Variants in TRPM5 observed in about 807,000 individuals in gnomAD.
TRPM5 encodes the protein transient receptor potential cation channel subfamily M member 5.
A neutral mutation model predicts 124.9 loss-of-function variants in TRPM5; 121 were observed. The observed-to-expected ratio is 0.97, with a 90% confidence interval of 0.84 to 1.13. The LOEUF (loss-of-function observed/expected upper bound fraction) is 1.13. Ranked by LOEUF, TRPM5 falls within the 50% of genes most tolerant of loss-of-function variation. The pLI is 0.00. For synonymous variants in TRPM5, 781 were observed against 700.5 expected (o/e 1.11, Z -1.81); for missense variants, 1,643 against 1,589.1 (o/e 1.03, Z -0.58).
intron 12 of TRPM5, among the ~76,000 whole-genome samples, 200 bp from the exon 18 acceptor site, chr11:2,413,788 G>A (rs1850505713): frequency 6.6e-6 from 1 of 152,216 alleles, no homozygotes; most frequent in Admixed American, 6.5e-5. Context: ...TTGAGCTGCT[G>A]TACCCTTCAC....
chr11:2,412,388 G>A, intron 15 of TRPM5, 135 bp from the exon 21 acceptor site: 1 of 720,192 alleles, frequency 1.4e-6, no homozygotes, highest in Non-Finnish European at 2.4e-6. Flanking sequence ...GTGGGACTAG[G>A]GGTCCACTGA....
chr11:2,432,202 G>C, the TRPM5 span, among the ~76,000 whole-genome samples: 1 of 152,224 alleles, frequency 6.6e-6, no homozygotes, highest in African/African-American at 2.4e-5. Context: ...GTCCATGCGT[G>C]CTGTCATGAG....
chr11:2,412,352 A>G (rs1850470012), intron 15 of TRPM5, 99 bp from the exon 21 acceptor site: 37 of 589,582 alleles, frequency 6.3e-5, no homozygotes, highest in Admixed American at 1.4e-4. Flanking sequence ...TCAGGGTTCC[A>G]TCTATGACCA....
At chr11:2,426,542 C>T (rs1845841805), upstream of TRPM5, among the ~76,000 whole-genome samples, 1 of 152,112 alleles carries the variant, frequency 6.6e-6, no homozygotes, top group African/African-American at 2.4e-5. Context: ...TGAGGCAGCC[C>T]CCCAGACGGT....
At chr11:2,441,745 A>G in the TRPM5 span, among the ~76,000 whole-genome samples, 10 of 151,886 alleles carry the variant, frequency 6.6e-5, no homozygotes, top group Non-Finnish European at 1.5e-4. The surrounding 1 kb of genome is among the most constrained non-coding windows in gnomAD (Gnocchi z 7.2). Context: ...GCTGGAGTGC[A>G]GTGGTGCGAT....
At chr11:2,411,446 G>A in exon 18 of TRPM5, 1 of 1,612,320 alleles carries the variant, frequency 6.2e-7, no homozygotes, top group Non-Finnish European at 8.5e-7. Context: ...CGTCATGGGG[G>A]TGCAGCAGCG....
chr11:2,434,002 C>CTG, the TRPM5 span, among the ~76,000 whole-genome samples: 1 of 150,096 alleles, frequency 6.7e-6, no homozygotes, highest in Non-Finnish European at 1.5e-5. Context: ...TGTGTGGATG[C>CTG]TGTGTGTGTG....
At chr11:2,422,358 A>C in intron 1 of TRPM5, 37 bp from the exon 7 acceptor site, 3 of 1,331,114 alleles carry the variant, frequency 2.3e-6, no homozygotes, top group East Asian at 4.3e-5. Flanking sequence ...CTTTCGGGGC[A>C]CGGGGCATGG....
upstream of TRPM5, among the ~76,000 whole-genome samples, chr11:2,425,064 C>T (rs76176019): frequency 0.011 from 1,648 of 152,312 alleles, 20 homozygotes; most frequent in African/African-American, 0.037. Context: ...CGGCCTCCCG[C>T]GCTGGTGGAG....
intron 19 of TRPM5, 146 bp downstream of exon 24, chr11:2,407,613 G>T: frequency 9.0e-7 from 1 of 1,107,448 alleles, no homozygotes; most frequent in Non-Finnish European, 1.3e-6. Context: ...CTGCAGTCCA[G>T]GCTATGCCAC....
rs1210619861 is a variant in TRPM5 at position 2,407,079 on chromosome 11, TCGGCC to T, written c.3118+35_3118+39del. 6.9e-6 allele frequency: 7 copies of T among 1,008,676 alleles called. No homozygotes were observed. In the East Asian group the frequency reaches 2.1e-4, roughly 30 times the overall value. 62.5% of individuals were successfully genotyped at this position (1,008,676 alleles called of 1,614,324 possible). A position where few individuals can be genotyped will look rare whatever the true frequency, so the allele number is the denominator to read the frequency against. Reference sequence around the variant, plus strand: ...CAGCCCCGCCCTGGGACCCGCCACCTCGGCCTCACCCAGGTGCTCCCGCTTGTGCT... The same window carrying T: ...CAGCCCCGCCCTGGGACCCGCCACCTTCACCCAGGTGCTCCCGCTTGTGCT... On this transcript the variant is annotated intron_variant, in intron 20 of 23. Transcript: ENST00000155858.
chr11:2,431,603 C>T, the TRPM5 span, among the ~76,000 whole-genome samples: 2 of 152,124 alleles, frequency 1.3e-5, no homozygotes, highest in Non-Finnish European at 2.9e-5. Context: ...CCTTCCATGG[C>T]TCCCTATTAC....
upstream of TRPM5, chr11:2,423,096 A>C (rs1589876823): frequency 7.3e-7 from 1 of 1,373,004 alleles, no homozygotes; most frequent in Non-Finnish European, 1.0e-6. Flanking sequence ...GCCCATCCCC[A>C]CCTCCCTCCC....
chr11:2,420,860 G>A (rs1211082292), intron 3 of TRPM5, among the ~76,000 whole-genome samples, 172 bp downstream of exon 8: 5 of 152,194 alleles, frequency 3.3e-5, no homozygotes, highest in Admixed American at 3.3e-4. Flanking sequence ...GTCTACGCTG[G>A]CCGTTCCCTA....
chr11:2,424,625 T>C (rs937868997), upstream of TRPM5, among the ~76,000 whole-genome samples: 2 of 152,212 alleles, frequency 1.3e-5, no homozygotes, highest in African/African-American at 4.8e-5. Flanking sequence ...AGGCAGTGGT[T>C]GGGTGATGTG....
chr11:2,405,761 GTA>G (rs762096284), intron 22 of TRPM5, among the ~76,000 whole-genome samples, 168 bp from the exon 28 acceptor site: 155 of 152,324 alleles, frequency 1.0e-3, no homozygotes, highest in Non-Finnish European at 1.7e-3. Context: ...CGTGAGGCGT[GTA>G]GAGTGAAAGG....
At chr11:2,435,580 T>C in the TRPM5 span, among the ~76,000 whole-genome samples, 798 of 145,628 alleles carry the variant, frequency 5.5e-3, 3 homozygotes, top group Non-Finnish European at 7.5e-3. The surrounding 1 kb of genome is among the most constrained non-coding windows in gnomAD (Gnocchi z 4.1). Flanking sequence ...TCCATCTGTC[T>C]GTCCATCCAT....
the TRPM5 span, among the ~76,000 whole-genome samples, chr11:2,428,807 A>G: frequency 6.7e-6 from 1 of 149,528 alleles, no homozygotes; most frequent in East Asian, 2.0e-4. The surrounding 1 kb of genome is among the most constrained non-coding windows in gnomAD (Gnocchi z 4.0). Context: ...GGTGGTGATG[A>G]TTGTGGTGGG....
chr11:2,425,712 C>G (rs559915520), upstream of TRPM5, among the ~76,000 whole-genome samples: 4 of 152,084 alleles, frequency 2.6e-5, no homozygotes, highest in Non-Finnish European at 5.9e-5. Context: ...TGGGGTCAAT[C>G]CTGGCTACGT....
Sources: allele counts gnomAD v4.1 joint callset (sites outside exome capture counted in the v4.1 genomes callset), GRCh38; gene constraint gnomAD v4.1.1; non-coding constraint Gnocchi (gnomAD v3.1); transcripts MANE v1.5; gene names NCBI Gene and HGNC (gene_info 2026-07-23, HGNC 2026-07-21).